The following CSMD1 variants were observed in gnomAD, a reference collection of about 807,000 sequenced individuals.
CSMD1 encodes CUB and Sushi multiple domains 1, also known as CUB and sushi domain-containing protein 1.
In CSMD1, 213 loss-of-function variants were observed where a neutral mutation model predicts 417.5. The observed-to-expected ratio is 0.51, with a 90% CI of 0.46 to 0.57. CSMD1 has a LOEUF of 0.57. Ranked by LOEUF, CSMD1 falls within the 20% of genes least tolerant of loss-of-function variation. The pLI, the probability that CSMD1 is intolerant of heterozygous loss-of-function variation, is 0.00. For missense variants in CSMD1, 6,923 were observed against 4,529.7 expected (o/e 1.53, Z -15.17); for synonymous variants, 2,862 against 1,736.8 (o/e 1.65, Z -16.11).
At chr8:3,717,633 G>C (rs1276545040) in intron 6 of CSMD1, among the ~76,000 whole-genome samples, 1 of 152,120 alleles carries the variant, frequency 6.6e-6, no homozygotes, top group African/African-American at 2.4e-5. Flanking sequence ...ACCACTGTTA[G>C]AACGTTTATG....
intron 8 of CSMD1, among the ~76,000 whole-genome samples, chr8:3,609,311 T>C (rs993693050): frequency 1.3e-5 from 2 of 152,202 alleles, no homozygotes; most frequent in African/African-American, 2.4e-5. Context: ...CCCTCAGATA[T>C]TGGTATTTGA....
At chr8:3,268,581 A>T (rs1299077924) in intron 26 of CSMD1, among the ~76,000 whole-genome samples, 4 of 151,986 alleles carry the variant, frequency 2.6e-5, no homozygotes, top group Admixed American at 6.6e-5. Flanking sequence ...CCACCGTGCC[A>T]GGCCCAGATG....
At chr8:4,680,491 A>C (rs1243008447) in intron 1 of CSMD1, among the ~76,000 whole-genome samples, 1 of 152,184 alleles carries the variant, frequency 6.6e-6, no homozygotes. Flanking sequence ...GGGCAGATGC[A>C]TTAAATTATA....
At chr8:3,047,375 G>A (rs1563277208) in intron 50 of CSMD1, among the ~76,000 whole-genome samples, 6 of 152,102 alleles carry the variant, frequency 3.9e-5, no homozygotes, top group South Asian at 4.2e-4. Context: ...GTTTGCATCC[G>A]GCCTTCTGTT....
chr8:3,224,670 G>A (rs1029601511), intron 27 of CSMD1, among the ~76,000 whole-genome samples: 21 of 152,126 alleles, frequency 1.4e-4, no homozygotes, highest in African/African-American at 3.9e-4. Flanking sequence ...AATTTAGTTT[G>A]TGTTTGAAGT....
At chr8:3,562,159 A>G (rs73658192) in intron 10 of CSMD1, among the ~76,000 whole-genome samples, 5,661 of 152,258 alleles carry the variant, frequency 0.037, 373 homozygotes, top group African/African-American at 0.12. Context: ...TCCACTGTAA[A>G]TAATACAGTA....
intron 1 of CSMD1, among the ~76,000 whole-genome samples, chr8:4,753,394 C>A (rs529944618): frequency 1.4e-5 from 2 of 143,578 alleles, no homozygotes; most frequent in East Asian, 4.1e-4. Context: ...CCCTACTTTC[C>A]ACCATAAACC....
At chr8:3,101,937 G>T (rs888070289) in intron 46 of CSMD1, among the ~76,000 whole-genome samples, 1 of 151,598 alleles carries the variant, frequency 6.6e-6, no homozygotes, top group Non-Finnish European at 1.5e-5. Flanking sequence ...GAGCAGCTGG[G>T]ATTACAGATG....
intron 5 of CSMD1, among the ~76,000 whole-genome samples, chr8:3,782,308 T>C (rs892569421): frequency 6.6e-6 from 1 of 152,188 alleles, no homozygotes; most frequent in African/African-American, 2.4e-5. Context: ...ATGCTAACCA[T>C]ACTTGTATGA....
chr8:3,650,176 G>C (rs912155630), intron 7 of CSMD1, among the ~76,000 whole-genome samples: 2 of 152,106 alleles, frequency 1.3e-5, no homozygotes, highest in South Asian at 4.1e-4. Flanking sequence ...CTATTGGGGA[G>C]GCTGAGGTAG....
At chr8:3,710,470 T>C (rs777320348) in intron 6 of CSMD1, among the ~76,000 whole-genome samples, 2 of 152,148 alleles carry the variant, frequency 1.3e-5, no homozygotes, top group Non-Finnish European at 2.9e-5. Context: ...ACCGACTGTG[T>C]GTGGCAGTGA....
intron 1 of CSMD1, among the ~76,000 whole-genome samples, chr8:4,764,333 A>C (rs1812306583): frequency 6.6e-6 from 1 of 152,330 alleles, no homozygotes; most frequent in East Asian, 1.9e-4. Context: ...GTATAAATTT[A>C]GAACCTAGAA....
At chr8:3,620,588 T>G (rs932050769) in intron 7 of CSMD1, among the ~76,000 whole-genome samples, 4 of 152,154 alleles carry the variant, frequency 2.6e-5, no homozygotes, top group Non-Finnish European at 5.9e-5. Flanking sequence ...TGGTGTCAAT[T>G]TAAGATACTG....
intron 3 of CSMD1, among the ~76,000 whole-genome samples, chr8:4,131,857 G>A (rs539824104): frequency 7.4e-6 from 1 of 136,026 alleles, no homozygotes; most frequent in African/African-American, 2.7e-5. Context: ...CCATCTCCCA[G>A]GTTCACGCCA....
intron 3 of CSMD1, among the ~76,000 whole-genome samples, chr8:4,227,931 A>G (rs1471751421): frequency 1.7e-4 from 21 of 121,526 alleles, no homozygotes; most frequent in African/African-American, 2.8e-4. Context: ...TCCCACACCT[A>G]GACACACACC....
chr8:4,772,519 G>T (rs553320340), intron 1 of CSMD1, among the ~76,000 whole-genome samples: 1 of 152,126 alleles, frequency 6.6e-6, no homozygotes, highest in South Asian at 2.1e-4. Context: ...TGGTATTACA[G>T]CATGGATATT....
rs115488838 is a variant in CSMD1 at position 4,691,977 on chromosome 8, C to T, written c.86-54419G>A. Among the ~76,000 whole-genome samples, 413 of 152,286 alleles carry T rather than the reference C, an allele frequency of 2.7e-3. 3 individuals carry two copies. Among genetic ancestry groups the T allele is most frequent in the African/African-American group, 9.6e-3 (397 of 41,558 alleles). ...CTGCAGCTCTCGTTTTATGAGCTCT[C>T]CTCTGTCTCAATCCATCTTCAGTGC... is the stretch of plus-strand genomic sequence containing the variant. On this transcript the variant is annotated intron_variant, in intron 1 of 69. Coordinates refer to ENST00000635120, the MANE Select transcript of CSMD1 (RefSeq NM_033225.6).
intron 2 of CSMD1, among the ~76,000 whole-genome samples, chr8:4,529,885 T>TTA (rs1491031360): frequency 5.6e-5 from 8 of 142,646 alleles, no homozygotes; most frequent in African/African-American, 2.0e-4. Flanking sequence ...TTTTTTTTTT[T>TTA]AAATTTATTT....
rs528774933 is a variant in CSMD1, at chr8:3,510,022, G to A, written c.1345-16296C>T. ...TCTCCAATTGACGTATACAAGTCGC[G>A]TATCCACTTCTCCCCTCTACATCAG... On this transcript the variant is annotated intron_variant, in intron 10 of 69. Coordinates refer to ENST00000635120, the MANE Select transcript of CSMD1 (RefSeq NM_033225.6). 6.6e-5 allele frequency among the ~76,000 whole-genome samples: 10 copies of A among 152,234 alleles called. No individual in the cohort carries two copies. The East Asian group carries it at 9.6e-4, about 15-fold the overall frequency.
Sources: allele counts gnomAD v4.1 joint callset (sites outside exome capture counted in the v4.1 genomes callset), GRCh38; gene constraint gnomAD v4.1.1; transcripts MANE v1.5; gene names NCBI Gene and HGNC (gene_info 2026-07-23, HGNC 2026-07-21).